PHLPP1: variants seen among roughly 807,000 people sequenced by gnomAD.
PHLPP1 encodes PH domain leucine-rich repeat-containing protein phosphatase 1.
Under a neutral mutation model 117.2 loss-of-function variants are expected in PHLPP1, and 42 were observed. The ratio of observed to expected loss-of-function variants is 0.36; its 90% CI spans 0.28 to 0.46. The LOEUF (loss-of-function observed/expected upper bound fraction) is 0.46. Among genes scored for constraint, PHLPP1 ranks in the 20% least tolerant of loss-of-function variants. The pLI, the probability that PHLPP1 is intolerant of heterozygous loss-of-function variation, is 1.00. For synonymous variants in PHLPP1, 1,042 were observed against 970.7 expected (o/e 1.07, Z -1.37); for missense variants, 2,084 against 2,241.9 (o/e 0.93, Z 1.42).
intron 1 of PHLPP1, among the ~76,000 whole-genome samples, chr18:62,774,357 T>C (rs929095936): frequency 5.3e-5 from 8 of 152,182 alleles, no homozygotes; most frequent in Non-Finnish European, 1.0e-4. Flanking sequence ...ATCAGCTTCA[T>C]TTTGAGCCTT....
chr18:62,933,385 G>A (rs1909876138), intron 10 of PHLPP1, among the ~76,000 whole-genome samples: 1 of 151,926 alleles, frequency 6.6e-6, no homozygotes, highest in Non-Finnish European at 1.5e-5. Flanking sequence ...TGTAGGTAAT[G>A]AAAACAGCAT....
intron 1 of PHLPP1, among the ~76,000 whole-genome samples, chr18:62,771,434 G>T (rs1246393141): frequency 6.6e-6 from 1 of 152,156 alleles, no homozygotes; most frequent in Non-Finnish European, 1.5e-5. Context: ...AACTAAGCCT[G>T]TAAGCAGAAA....
chr18:62,730,141 C>T (rs1159267349), intron 1 of PHLPP1, among the ~76,000 whole-genome samples: 3 of 152,134 alleles, frequency 2.0e-5, no homozygotes, highest in South Asian at 2.1e-4. Flanking sequence ...ATATGGAAAA[C>T]GTATCCCTAA....
intron 12 of PHLPP1, among the ~76,000 whole-genome samples, chr18:62,955,729 A>T (rs1035260933): frequency 2.6e-5 from 4 of 152,180 alleles, no homozygotes; most frequent in African/African-American, 4.8e-5. Context: ...TGTAGAAAAA[A>T]TTTTTACCAA....
rs117032370 is a variant in PHLPP1, at chr18:62,739,365, T to C, written c.1576+22106T>C. Among the ~76,000 whole-genome samples the C allele has an allele frequency of 4.8e-3, 737 of 152,320 alleles. 3 individuals carry two copies. The highest frequency in any genetic ancestry group is 8.3e-3 in the Admixed American group (127 of 15,300). On this transcript the variant is annotated intron_variant, in intron 1 of 16. Coordinates refer to ENST00000262719, the MANE Select transcript of PHLPP1 (RefSeq NM_194449.4). ...GCAAAGCTAATTTTTGGTGACGTATTGTAGTGGTTACCTTTCAGCGGGATA... is the reference window on the plus strand; with the variant it reads ...GCAAAGCTAATTTTTGGTGACGTATCGTAGTGGTTACCTTTCAGCGGGATA...
At chr18:62,916,219 A>G (rs1909271430) in intron 9 of PHLPP1, among the ~76,000 whole-genome samples, 1 of 152,084 alleles carries the variant, frequency 6.6e-6, no homozygotes, top group South Asian at 2.1e-4. Flanking sequence ...AAGTGCTATA[A>G]GTGTAAAATG....
rs562454853 is a variant in PHLPP1, at chr18:62,824,493, G to T, written c.1577-5542G>T. ...CGGGAGGAACTCTGGAGGGATATAG[G>T]GGGAGGGAGAAATCACAATGGGACA... is the stretch of plus-strand genomic sequence containing the variant. On this transcript the variant is annotated intron_variant, in intron 1 of 16. Coordinates refer to ENST00000262719, the MANE Select transcript of PHLPP1 (RefSeq NM_194449.4). 6.6e-5 allele frequency among the ~76,000 whole-genome samples: 10 copies of T among 152,286 alleles called. No individual in the cohort carries two copies. The South Asian group carries it at 2.1e-3, about 32-fold the overall frequency.
chr18:62,965,253 A>G (rs1407862026), intron 14 of PHLPP1, among the ~76,000 whole-genome samples: 4 of 152,012 alleles, frequency 2.6e-5, no homozygotes, highest in Non-Finnish European at 5.9e-5. Context: ...CATTGTCAAT[A>G]GTTATTTAAA....
chr18:62,741,982 TCTC>T (rs1390770177), intron 1 of PHLPP1, among the ~76,000 whole-genome samples: 1 of 152,046 alleles, frequency 6.6e-6, no homozygotes, highest in Non-Finnish European at 1.5e-5. Context: ...TTATAGTTTT[TCTC>T]CTCTTAAATT....
intron 1 of PHLPP1, among the ~76,000 whole-genome samples, chr18:62,828,973 T>C (rs1914683717): frequency 6.6e-6 from 1 of 152,226 alleles, no homozygotes; most frequent in African/African-American, 2.4e-5. Context: ...TGTCACTATG[T>C]TCATGTCAAT....
intron 9 of PHLPP1, among the ~76,000 whole-genome samples, chr18:62,919,364 T>C (rs890238794): frequency 8.5e-5 from 13 of 152,224 alleles, no homozygotes; most frequent in Non-Finnish European, 1.5e-5. Flanking sequence ...AAGTACATGC[T>C]GCTCTTTCGG....
At chr18:62,733,000 A>G (rs1035304307) in intron 1 of PHLPP1, among the ~76,000 whole-genome samples, 2 of 152,244 alleles carry the variant, frequency 1.3e-5, no homozygotes, top group Admixed American at 1.3e-4. Context: ...GGAATCTACT[A>G]CTGGTGAAGA....
chr18:62,979,286 T>C lies in PHLPP1; in HGVS notation c.5009T>C (p.Leu1670Pro). 6.4e-7 allele frequency: 1 copy of C among 1,559,548 alleles called. No homozygotes were observed. Among genetic ancestry groups the C allele is most frequent in the East Asian group, 2.4e-5 (1 of 41,498 alleles). The change falls in exon 17 of 17, where the codon CTG (leucine) becomes CCG (proline). Residue 1670 changes from leucine (L) to proline (P), a missense_variant. By Grantham distance (98) the Leu-to-Pro change is moderately conservative. Around this residue, in one of 2 missense-constraint regions of PHLPP1, gnomAD observed 1,365 missense variants for 1,605.9 expected, o/e 0.85. Transcript: ENST00000262719. ...PDDQFIIPPE[L>P]EEEVKEIMKH... ...GATCAGTTTATCATACCCCCGGAGC[T>C]GGAAGAGGAGGTCAAAGAAATCATG... is the stretch of plus-strand genomic sequence containing the variant.
At chr18:62,725,898 A>G (rs1410153021) in intron 1 of PHLPP1, among the ~76,000 whole-genome samples, 1 of 152,218 alleles carries the variant, frequency 6.6e-6, no homozygotes, top group Non-Finnish European at 1.5e-5. Context: ...ATGCGTAAGT[A>G]CACAAGGGTA....
At chr18:62,912,406 G>T (rs1314773354) in intron 8 of PHLPP1, among the ~76,000 whole-genome samples, 1 of 150,054 alleles carries the variant, frequency 6.7e-6, no homozygotes, top group African/African-American at 2.5e-5. Context: ...AACTCTTTGA[G>T]TAGTGCTTCA....
intron 1 of PHLPP1, among the ~76,000 whole-genome samples, chr18:62,810,455 G>A (rs952320487): frequency 6.6e-6 from 1 of 152,094 alleles, no homozygotes; most frequent in African/African-American, 2.4e-5. Context: ...ACTGGGGATA[G>A]TACTGAACCC....
chr18:62,965,991 T>G (rs1479192734), intron 14 of PHLPP1, among the ~76,000 whole-genome samples: 1 of 152,150 alleles, frequency 6.6e-6, no homozygotes, highest in Non-Finnish European at 1.5e-5. Flanking sequence ...CCATATAATT[T>G]TGGATAACTT....
intron 1 of PHLPP1, among the ~76,000 whole-genome samples, chr18:62,826,995 G>C (rs1029471330): frequency 6.6e-6 from 1 of 152,024 alleles, no homozygotes; most frequent in African/African-American, 2.4e-5. Context: ...GTGAGACCCT[G>C]TCTCAAAAAA....
At chr18:62,795,717 A>T (rs1913612506) in intron 1 of PHLPP1, among the ~76,000 whole-genome samples, 1 of 152,066 alleles carries the variant, frequency 6.6e-6, no homozygotes, top group African/African-American at 2.4e-5. Flanking sequence ...GACATCCCTT[A>T]GCGCCTCCAA....
Sources: gnomAD v4.1 joint callset for allele counts (sites outside exome capture counted in the v4.1 genomes callset) on GRCh38, gnomAD v4.1.1 for gene constraint, gnomAD v4.1.1 regional missense constraint, MANE v1.5 for transcripts, NCBI Gene and HGNC (gene_info 2026-07-23, HGNC 2026-07-21) for gene names.